The following MPP4 variants were observed in gnomAD, a reference collection of about 807,000 sequenced individuals.
MPP4 encodes MAGUK p55 subfamily member 4.
A neutral mutation model predicts 98.3 loss-of-function variants in MPP4; 91 were observed. That is an observed-to-expected ratio of 0.93 (90% CI 0.78 to 1.10). The LOEUF is 1.10. Ranked by LOEUF, MPP4 falls within the 50% of genes least tolerant of loss-of-function variation. The pLI is 0.00. For missense variants in MPP4, 744 were observed against 792.9 expected, an observed-to-expected ratio of 0.94 and a Z score of 0.74; for synonymous variants, 261 against 271.8, an observed-to-expected ratio of 0.96 and a Z score of 0.39.
At chr2:201,652,271 C>A (rs1479261955) in intron 18 of MPP4, among the ~76,000 whole-genome samples, 2 of 151,986 alleles carry the variant, frequency 1.3e-5, no homozygotes, top group Non-Finnish European at 2.9e-5. Flanking sequence ...ACAGACAGAC[C>A]AACATGGTGA....
At chr2:201,657,611 T>TTTTTTTTTTTTTTTA in intron 16 of MPP4, among the ~76,000 whole-genome samples, 1 of 111,722 alleles carries the variant, frequency 9.0e-6, no homozygotes, top group Non-Finnish European at 1.9e-5. Flanking sequence ...GTTTTTTTGT[T>TTTTTTTTTTTTTTTA]TTTTTTTGCT....
intron 14 of MPP4, among the ~76,000 whole-genome samples, chr2:201,661,272 C>A (rs1470070718): frequency 1.3e-5 from 2 of 151,160 alleles, no homozygotes; most frequent in African/African-American, 2.4e-5. Context: ...ACAATCACCT[C>A]GTCACCTCCT....
chr2:201,687,380 T>C lies in MPP4; in HGVS notation c.280-9A>G, dbSNP rs1328797676. 1.9e-6 allele frequency: 3 copies of C among 1,562,678 alleles called. No homozygotes were observed. Among genetic ancestry groups the C allele is most frequent in the Non-Finnish European group, 2.6e-6 (3 of 1,151,566 alleles). ...CGTAATAACTCCACTACCTGGTTCA[T>C]GGAAAAGGATACATTATAAAAATTT... On this transcript the variant is annotated splice_polypyrimidine_tract_variant and intron_variant, in intron 4 of 21. Transcript: ENST00000409474.
chr2:201,682,644 C>T (rs891439878), intron 8 of MPP4, among the ~76,000 whole-genome samples, 187 bp downstream of exon 8: 3 of 152,004 alleles, frequency 2.0e-5, no homozygotes, highest in African/African-American at 7.3e-5. Context: ...CAGAACTTCT[C>T]GGGGTAGAGG....
At chr2:201,683,593 A>G (rs908356430) in intron 7 of MPP4, among the ~76,000 whole-genome samples, 1 of 151,254 alleles carries the variant, frequency 6.6e-6, no homozygotes, top group African/African-American at 2.5e-5. Flanking sequence ...TACTAAAAAT[A>G]CAAAAAAAAT....
intron 20 of MPP4, 51 bp downstream of exon 20, chr2:201,649,525 G>C: frequency 7.5e-7 from 1 of 1,330,144 alleles, no homozygotes; most frequent in Non-Finnish European, 1.1e-6. Flanking sequence ...ACAAAAAATG[G>C]ATGATACGCA....
At chr2:201,681,409 A>G in intron 9 of MPP4, 87 bp downstream of exon 9, 1 of 1,146,318 alleles carries the variant, frequency 8.7e-7, no homozygotes, top group Non-Finnish European at 1.3e-6. Flanking sequence ...AACACAGTAC[A>G]AAGGATAGGA....
At chr2:201,669,776 AG>A (rs1238109578) in intron 11 of MPP4, 26 bp from the exon 12 acceptor site, 10 of 1,379,444 alleles carry the variant, frequency 7.2e-6, no homozygotes, top group Admixed American at 5.5e-5. Flanking sequence ...TGATTGAAGC[AG>A]GGGGGATAAA....
At chr2:201,652,691 G>A (rs1403309229) in intron 18 of MPP4, among the ~76,000 whole-genome samples, 7 of 152,268 alleles carry the variant, frequency 4.6e-5, no homozygotes, top group South Asian at 2.1e-4. Context: ...GGAAGCCTGC[G>A]CTCAGAGAAG....
At chr2:201,690,548 AC>A (rs1485714111) in intron 3 of MPP4, among the ~76,000 whole-genome samples, 1 of 152,168 alleles carries the variant, frequency 6.6e-6, no homozygotes, top group Non-Finnish European at 1.5e-5. Flanking sequence ...AGAAATTCAA[AC>A]TTTTAATCTT....
At position 201,685,162 on chromosome 2, in the gene MPP4, C is replaced by A. The variant is rs775424564; in HGVS notation, c.493-17G>T. The A allele has an allele frequency of 1.3e-6, 2 of 1,598,808 alleles. No homozygotes were observed. The highest frequency in any genetic ancestry group is 1.7e-6 in the Non-Finnish European group (2 of 1,171,638). On this transcript the variant is annotated splice_polypyrimidine_tract_variant and intron_variant, in intron 6 of 21. Coordinates refer to ENST00000409474, the MANE Select transcript of MPP4 (RefSeq NM_033066.3). Reference sequence around the variant, plus strand: ...GGTGGCTCCCTGAAGAGAGAATAGACGAGATCCCTCTGTTACCTGACATGA... The same window carrying A: ...GGTGGCTCCCTGAAGAGAGAATAGAAGAGATCCCTCTGTTACCTGACATGA...
chr2:201,675,886 A>C (rs138809638), intron 10 of MPP4, among the ~76,000 whole-genome samples: 1 of 152,262 alleles, frequency 6.6e-6, no homozygotes, highest in African/African-American at 2.4e-5. Flanking sequence ...AACACTGTGA[A>C]GTTTGGAGCA....
At chr2:201,651,374 A>T (rs1687708852) in intron 18 of MPP4, 1 of 985,328 alleles carries the variant, frequency 1.0e-6, no homozygotes, top group Non-Finnish European at 1.2e-6. Context: ...TCCTACTTAA[A>T]ACAAAATTCT....
intron 21 of MPP4, among the ~76,000 whole-genome samples, chr2:201,647,344 T>G (rs773515144): frequency 3.9e-5 from 6 of 152,034 alleles, no homozygotes; most frequent in Non-Finnish European, 5.9e-5. Context: ...GATTTTTTTT[T>G]AAGCTAGACC....
At chr2:201,692,476 G>A (rs562685218) in intron 3 of MPP4, among the ~76,000 whole-genome samples, 17 of 151,882 alleles carry the variant, frequency 1.1e-4, no homozygotes, top group East Asian at 9.7e-4. Flanking sequence ...GCTGGGAGGC[G>A]GAGGTTGCAG....
chr2:201,682,109 TTA>T (rs1432809353), intron 8 of MPP4, among the ~76,000 whole-genome samples: 2 of 152,138 alleles, frequency 1.3e-5, no homozygotes, highest in African/African-American at 2.4e-5. Context: ...GTGATGGGCA[TTA>T]AACATCTAGA....
chr2:201,668,753 C>T (rs1688254231), intron 12 of MPP4, among the ~76,000 whole-genome samples: 1 of 152,196 alleles, frequency 6.6e-6, no homozygotes, highest in African/African-American at 2.4e-5. Flanking sequence ...CACTACCGTA[C>T]AGTTCCCAGC....
chr2:201,683,046 T>C, intron 7 of MPP4, 130 bp from the exon 8 acceptor site: 2 of 623,472 alleles, frequency 3.2e-6, no homozygotes, highest in Non-Finnish European at 5.4e-6. Context: ...AAAATAATAA[T>C]AGAAAAGAAA....
intron 1 of MPP4, among the ~76,000 whole-genome samples, chr2:201,697,520 G>T (rs1689224350): frequency 6.6e-6 from 1 of 152,176 alleles, no homozygotes; most frequent in South Asian, 2.1e-4. Context: ...AACAGTGCTT[G>T]GGCCATAGCA....
Sources: allele counts gnomAD v4.1 joint callset (sites outside exome capture counted in the v4.1 genomes callset), GRCh38; gene constraint gnomAD v4.1.1; transcripts MANE v1.5; gene names NCBI Gene and HGNC (gene_info 2026-07-23, HGNC 2026-07-21).